Variants in SLC9A9 observed in about 807,000 individuals in gnomAD.
SLC9A9 encodes sodium/hydrogen exchanger 9.
SLC9A9 carries 62 observed loss-of-function variants against 77.8 expected under a neutral mutation model. That is an observed-to-expected ratio of 0.80 (90% CI 0.65 to 0.98). The LOEUF (loss-of-function observed/expected upper bound fraction) is 0.98. SLC9A9 is among the 50% of genes least tolerant of loss of function. The probability of loss-of-function intolerance (pLI) is 0.00; values close to 1 mark genes in which losing one functional copy is unlikely to be tolerated. For synonymous variants in SLC9A9, 320 were observed against 283.5 expected (o/e 1.13, Z -1.29); for missense variants, 775 against 774.9 (o/e 1.00, Z 0.00).
chr3:143,369,805 G>GTGGCTT (rs1425150867), intron 13 of SLC9A9, among the ~76,000 whole-genome samples: 13 of 152,146 alleles, frequency 8.5e-5, no homozygotes, highest in African/African-American at 3.1e-4. Context: ...AAAAGGCATT[G>GTGGCTT]TGGCTTTCTT....
At chr3:143,728,654 CGAAG>C (rs1220510624) in intron 4 of SLC9A9, among the ~76,000 whole-genome samples, 1 of 151,938 alleles carries the variant, frequency 6.6e-6, no homozygotes, top group African/African-American at 2.4e-5. Flanking sequence ...GCAGAGGCCA[CGAAG>C]GAGACCATTG....
In SLC9A9 at chr3:143,517,902, T is replaced by C; in HGVS notation, c.1090-22454A>G. On this transcript the variant is annotated intron_variant, in intron 9 of 15. Transcript: ENST00000316549. ...TTTTAATCATTTGCCTGATCCATCA[T>C]CTCCTCCGTTATCTCCGCATTTTCA... is the stretch of plus-strand genomic sequence containing the variant. 6 of 1,526,374 alleles carry C rather than the reference T, an allele frequency of 3.9e-6. No individual in the cohort carries two copies. In the South Asian group the frequency reaches 5.6e-5, roughly 14 times the overall value. 94.6% of individuals were successfully genotyped at this position (1,526,374 alleles called of 1,614,324 possible).
chr3:143,434,712 C>G (rs1380603466), intron 12 of SLC9A9, among the ~76,000 whole-genome samples: 2 of 152,212 alleles, frequency 1.3e-5, no homozygotes, highest in African/African-American at 4.8e-5. Context: ...ATAAATGCCT[C>G]TTTCCACCCT....
At chr3:143,723,974 G>A (rs1350877123) in intron 4 of SLC9A9, among the ~76,000 whole-genome samples, 3 of 152,204 alleles carry the variant, frequency 2.0e-5, no homozygotes, top group African/African-American at 7.2e-5. Context: ...GATGGTCAGA[G>A]GTACTAGAAC....
chr3:143,575,034 A>G (rs747250941), intron 7 of SLC9A9, among the ~76,000 whole-genome samples: 59 of 152,218 alleles, frequency 3.9e-4, no homozygotes, highest in Non-Finnish European at 6.9e-4. Context: ...AGAGACATTT[A>G]GCAGGGGAGC....
chr3:143,801,314 C>T (rs547034707), intron 2 of SLC9A9, among the ~76,000 whole-genome samples: 75 of 152,164 alleles, frequency 4.9e-4, no homozygotes, highest in Non-Finnish European at 8.1e-4. Flanking sequence ...CTCCATGCAG[C>T]GGCTGCCACT....
At chr3:143,551,351 T>C (rs1200998148) in intron 9 of SLC9A9, among the ~76,000 whole-genome samples, 1 of 152,168 alleles carries the variant, frequency 6.6e-6, no homozygotes, top group Non-Finnish European at 1.5e-5. Flanking sequence ...TAGTCTAAAG[T>C]CCTTCACAAG....
intron 4 of SLC9A9, among the ~76,000 whole-genome samples, chr3:143,774,016 A>T (rs569125766): frequency 6.6e-5 from 10 of 152,380 alleles, no homozygotes; most frequent in African/African-American, 2.4e-4. Flanking sequence ...CAAATGCAAT[A>T]ACAGATGTGT....
At chr3:143,456,017 A>G (rs1409490007) in intron 12 of SLC9A9, among the ~76,000 whole-genome samples, 3 of 151,920 alleles carry the variant, frequency 2.0e-5, no homozygotes, top group African/African-American at 7.3e-5. Context: ...TTGGCTTTTC[A>G]CTATTAAATA....
At chr3:143,592,698 T>C (rs539624711) in intron 6 of SLC9A9, among the ~76,000 whole-genome samples, 1 of 152,178 alleles carries the variant, frequency 6.6e-6, no homozygotes, top group Non-Finnish European at 1.5e-5. Flanking sequence ...TCTGCTCTAC[T>C]TTCTATTCAT....
intron 2 of SLC9A9, among the ~76,000 whole-genome samples, chr3:143,802,772 C>T (rs1245993500): frequency 6.6e-6 from 1 of 152,124 alleles, no homozygotes; most frequent in Non-Finnish European, 1.5e-5. Context: ...CCAAGCTCAG[C>T]CTCCAATTTA....
At chr3:143,302,047 T>C (rs1039133754) in intron 14 of SLC9A9, among the ~76,000 whole-genome samples, 7 of 152,184 alleles carry the variant, frequency 4.6e-5, no homozygotes, top group Non-Finnish European at 1.0e-4. Context: ...GAGGTGTTGC[T>C]AGCTGCTGGC....
At position 143,796,725 on chromosome 3, in the gene SLC9A9, C is replaced by T. The variant is rs1294094057; in HGVS notation, c.456+101G>A. 5 of 782,940 alleles carry T rather than the reference C, an allele frequency of 6.4e-6. No homozygotes were observed. The South Asian group carries it at 7.0e-5, about 11-fold the overall frequency. 48.5% of individuals were successfully genotyped at this position (782,940 alleles called of 1,614,324 possible). On this transcript the variant is annotated intron_variant, in intron 3 of 15. Transcript: ENST00000316549. ...ATCACAAATTTAAGATAATGATACTCTTACCAAATAGAGAAGCCCATAAAA... is the reference window on the plus strand; with the variant it reads ...ATCACAAATTTAAGATAATGATACTTTTACCAAATAGAGAAGCCCATAAAA...
At chr3:143,404,898 A>G (rs78992123) in intron 12 of SLC9A9, among the ~76,000 whole-genome samples, 9,043 of 152,284 alleles carry the variant, frequency 0.059, 403 homozygotes, top group African/African-American at 0.12. Context: ...ATGTCCCTGG[A>G]TCAGCGTAGC....
At chr3:143,777,819 A>AT in intron 4 of SLC9A9, among the ~76,000 whole-genome samples, 1 of 151,212 alleles carries the variant, frequency 6.6e-6, no homozygotes, top group East Asian at 1.9e-4. Flanking sequence ...GGTTCAAGCA[A>AT]TTCTCCTGTC....
At chr3:143,278,194 G>T (rs186307728) in intron 14 of SLC9A9, among the ~76,000 whole-genome samples, 1 of 152,278 alleles carries the variant, frequency 6.6e-6, no homozygotes, top group African/African-American at 2.4e-5. Flanking sequence ...TGCAGTGTAG[G>T]CCCCACAGGT....
At chr3:143,658,813 T>C (rs140005326) in intron 5 of SLC9A9, among the ~76,000 whole-genome samples, 1 of 152,272 alleles carries the variant, frequency 6.6e-6, no homozygotes, top group East Asian at 1.9e-4. Context: ...AAAAGTAGGA[T>C]ATATTAAGAC....
At chr3:143,305,886 T>C (rs2030758671) in intron 14 of SLC9A9, among the ~76,000 whole-genome samples, 1 of 152,222 alleles carries the variant, frequency 6.6e-6, no homozygotes, top group Non-Finnish European at 1.5e-5. Context: ...TTCTCAGCTG[T>C]CAAGTGATGG....
In SLC9A9 at chr3:143,796,769, T is replaced by A. The variant is rs369315219; in HGVS notation, c.456+57A>T. 215 of 1,240,158 alleles carry A rather than the reference T, an allele frequency of 1.7e-4. 1 individual carries two copies. In the African/African-American group the frequency reaches 2.8e-3, roughly 16 times the overall value. 76.8% of individuals were successfully genotyped at this position (1,240,158 alleles called of 1,614,324 possible). ...CATAAAAATAACAGTTTCTCATTAGTGCTGGTAAAATTCTCTACTTAATGA... is the reference window on the plus strand; with the variant it reads ...CATAAAAATAACAGTTTCTCATTAGAGCTGGTAAAATTCTCTACTTAATGA... On this transcript the variant is annotated intron_variant, in intron 3 of 15. Coordinates refer to ENST00000316549, the MANE Select transcript of SLC9A9 (RefSeq NM_173653.4).
Sources: allele counts gnomAD v4.1 joint callset (sites outside exome capture counted in the v4.1 genomes callset), GRCh38; gene constraint gnomAD v4.1.1; transcripts MANE v1.5; gene names NCBI Gene and HGNC (gene_info 2026-07-23, HGNC 2026-07-21).